Variants in ZNF549 observed in about 807,000 individuals in gnomAD.
The protein encoded by ZNF549 is zinc finger protein 549.
In ZNF549, 11 loss-of-function variants were observed where a neutral mutation model predicts 11.1. The ratio of observed to expected loss-of-function variants is 0.99; its 90% confidence interval spans 0.62 to 1.64. ZNF549 has a LOEUF of 1.64. Among genes scored for constraint, ZNF549 ranks in the 40% most tolerant of loss-of-function variants. The pLI is 0.00. For synonymous variants in ZNF549, 266 were observed against 269.1 expected, an observed-to-expected ratio of 0.99 and a Z score of 0.11; for missense variants, 748 against 765.1, an observed-to-expected ratio of 0.98 and a Z score of 0.26.
At chr19:57,528,251 C>T (rs1050955179) in intron 1 of ZNF549, among the ~76,000 whole-genome samples, 5 of 152,080 alleles carry the variant, frequency 3.3e-5, no homozygotes, top group Non-Finnish European at 7.4e-5. Context: ...TTTCTTTTAC[C>T]TGAACATCTG....
intron 1 of ZNF549, among the ~76,000 whole-genome samples, chr19:57,528,131 G>A (rs1181408757): frequency 6.6e-6 from 1 of 152,156 alleles, no homozygotes; most frequent in Non-Finnish European, 1.5e-5. Flanking sequence ...TTGCTGAAGG[G>A]ACCTAAGTAA....
At chr19:57,527,631 C>CA in intron 1 of ZNF549, 25 bp downstream of exon 1, 1 of 1,612,138 alleles carries the variant, frequency 6.2e-7, no homozygotes, top group South Asian at 1.1e-5. Context: ...CTCGGATCCT[C>CA]ACCTGGGTCC....
chr19:57,534,847 C>T (rs561029999), intron 2 of ZNF549, among the ~76,000 whole-genome samples: 5 of 152,170 alleles, frequency 3.3e-5, no homozygotes, highest in African/African-American at 1.2e-4. Context: ...CAGTCACGAT[C>T]TGGAGATGTG....
rs1018478834 is a variant in ZNF549, at chr19:57,540,274, T to C, written c.*1347T>C. On this transcript the variant is annotated 3_prime_UTR_variant, in exon 4 of 4. Transcript: ENST00000376233. ...CCTTAATAATAAGTAAATCTTGTGT[T>C]ATCCTATAGTCTGGTTTTCCAAAAG... 1.3e-5 allele frequency: 2 copies of C among 152,278 alleles called. No individual in the cohort carries two copies. The highest frequency in any genetic ancestry group is 6.5e-5 in the Admixed American group (1 of 15,292). The allele number at this position is 152,278 out of a possible 1,614,324, so 9.4% of individuals were successfully genotyped here.
At position 57,539,156 on chromosome 19, in the gene ZNF549, C is replaced by A; in HGVS notation, c.*229C>A. On this transcript the variant is annotated 3_prime_UTR_variant, in exon 4 of 4. Transcript: ENST00000376233. The stretch of plus-strand genomic sequence containing the variant: ...TGTGGCATATCCTCACCGTTTTCAT[C>A]AGTCACTCACATGTGCTCAAGGAAT... 2.0e-6 allele frequency: 1 copy of A among 500,946 alleles called. No individual in the cohort carries two copies. The highest frequency in any genetic ancestry group is 3.6e-6 in the Non-Finnish European group (1 of 281,028). 31.0% of individuals were successfully genotyped at this position (500,946 alleles called of 1,614,324 possible).
In ZNF549 at chr19:57,539,796, T is replaced by G. The variant is rs777918814; in HGVS notation, c.*869T>G. 9 of 152,174 alleles carry G rather than the reference T, an allele frequency of 5.9e-5. No homozygotes were observed. The highest frequency in any genetic ancestry group is 5.9e-5 in the Non-Finnish European group (4 of 68,038). The allele number at this position is 152,174 out of a possible 1,614,324, so 9.4% of individuals were successfully genotyped here. A position where few individuals can be genotyped will look rare whatever the true frequency, so the allele number is the denominator to read the frequency against. Reference sequence around the variant, plus strand: ...CTGAAGGACTGAATTGGTAGGTAGGTCACTGGTTGTAAGACCTACTGGGGC... The same window carrying G: ...CTGAAGGACTGAATTGGTAGGTAGGGCACTGGTTGTAAGACCTACTGGGGC... On this transcript the variant is annotated 3_prime_UTR_variant, in exon 4 of 4. Transcript: ENST00000376233.
intron 1 of ZNF549, among the ~76,000 whole-genome samples, chr19:57,529,864 C>T (rs540379731): frequency 1.3e-5 from 2 of 151,354 alleles, no homozygotes; most frequent in African/African-American, 2.4e-5. Flanking sequence ...CCAGCCTGGG[C>T]GACAGAGCGA....
rs370395396 is a variant in ZNF549 at position 57,535,132 on chromosome 19, C to G, written c.73-12C>G. On this transcript the variant is annotated splice_polypyrimidine_tract_variant and intron_variant, in intron 2 of 3. Transcript: ENST00000376233. ...GAGTCTGCTCATGATTTCATCTGCC[C>G]CCATCATGCAGGGCCATGTGACCTT... 8.1e-6 allele frequency: 13 copies of G among 1,612,634 alleles called. No individual in the cohort carries two copies. In the South Asian group the frequency reaches 1.4e-4, roughly 18 times the overall value.
intron 3 of ZNF549, among the ~76,000 whole-genome samples, chr19:57,535,861 C>T (rs1225456723): frequency 6.6e-6 from 1 of 152,010 alleles, no homozygotes; most frequent in East Asian, 1.9e-4. Context: ...GGCCTGTGTT[C>T]CTGAAAGCGT....
At position 57,538,204 on chromosome 19, in the gene ZNF549, C is replaced by T. The variant is rs199866043; in HGVS notation, c.1200C>T (p.Tyr400=). ...GTGAATGTGGGAAATCCTTCATATA[C>T]AAACAGTCACTTCTTGATCACCATA... The part of the protein sequence containing the change: ...QCSECGKSFI[Y]KQSLLDHHRI... The change falls in exon 4 of 4, where the codon TAC becomes TAT. Residue 400 remains tyrosine, a synonymous_variant. Coordinates refer to ENST00000376233, the MANE Select transcript of ZNF549 (RefSeq NM_001199295.2). 3.7e-6 allele frequency: 6 copies of T among 1,613,898 alleles called. No homozygotes were observed. Among genetic ancestry groups the T allele is most frequent in the Non-Finnish European group, 3.4e-6 (4 of 1,180,004 alleles).
Position 57,538,339 on chromosome 19 carries a change from T to C in ZNF549, c.1335T>C (p.Tyr445=), listed in dbSNP as rs1349181484. 1.2e-6 allele frequency: 2 copies of C among 1,614,024 alleles called. No individual in the cohort carries two copies. Among genetic ancestry groups the C allele is most frequent in the Non-Finnish European group, 1.7e-6 (2 of 1,180,002 alleles). The change falls in exon 4 of 4, where the codon TAT becomes TAC. Residue 445 remains tyrosine (Y), a synonymous_variant. Coordinates refer to ENST00000376233, the MANE Select transcript of ZNF549 (RefSeq NM_001199295.2). ...HQRIHTGEKP[Y]VCIICGKSFI... ...GAATTCATACTGGAGAAAAGCCTTA[T>C]GTGTGCATCATATGTGGGAAATCAT...
At chr19:57,528,087 C>T (rs1443322871) in intron 1 of ZNF549, among the ~76,000 whole-genome samples, 1 of 152,046 alleles carries the variant, frequency 6.6e-6, no homozygotes, top group Non-Finnish European at 1.5e-5. Flanking sequence ...TAGTAGGCTC[C>T]AGGAGGATTA....
At position 57,537,883 on chromosome 19, in the gene ZNF549, C is replaced by G; in HGVS notation, c.879C>G (p.His293Gln). ...TCCATAAACAAACACTCGTTGGGCA[C>G]CAGCAGAGAATTCACACTAGAGAAA... ...SFLHKQTLVG[H>Q]QQRIHTRERS... Residue 293 changes from histidine to glutamine, a missense_variant, in exon 4 of 4, where the codon CAC becomes CAG. By Grantham distance (24) the His-to-Gln change is conservative. Coordinates refer to ENST00000376233, the MANE Select transcript of ZNF549 (RefSeq NM_001199295.2). 1 of 1,612,892 alleles carries G rather than the reference C, an allele frequency of 6.2e-7. No homozygotes were observed. The highest frequency in any genetic ancestry group is 1.3e-5 in the African/African-American group (1 of 74,652).
At chr19:57,534,388 T>C (rs1277299044) in intron 2 of ZNF549, among the ~76,000 whole-genome samples, 2 of 152,200 alleles carry the variant, frequency 1.3e-5, no homozygotes, top group Non-Finnish European at 2.9e-5. Flanking sequence ...GCTCAGACTT[T>C]TGTTGGTAAC....
chr19:57,537,405 C>T lies in ZNF549; in HGVS notation c.401C>T (p.Ser134Phe), dbSNP rs761085534. The T allele has an allele frequency of 6.2e-7, 1 of 1,614,218 alleles. No homozygotes were observed. The highest frequency in any genetic ancestry group is 1.1e-5 in the South Asian group (1 of 91,086). ...GTLPWQKPYT[S>F]VASGKWFSFG... ...CTTCCCTGGCAGAAACCTTATACGT[C>T]TGTGGCCAGTGGGAAATGGTTTTCA... Residue 134 changes from serine (S) to phenylalanine (F), a missense_variant, in exon 4 of 4, where the codon TCT becomes TTT. Ser to Phe is a radical substitution (Grantham distance 155, BLOSUM62 -2). Transcript: ENST00000376233.
In ZNF549 at chr19:57,539,038, TGAA is replaced by T. The variant is rs2089942861; in HGVS notation, c.*112_*114del. On this transcript the variant is annotated 3_prime_UTR_variant, in exon 4 of 4. Coordinates refer to ENST00000376233, the MANE Select transcript of ZNF549 (RefSeq NM_001199295.2). ...CCTCATACATCTGCATATCACTAGTTGAAAGATTCACTACAAGGTCCAAGTACT... is the reference window on the plus strand; with the variant it reads ...CCTCATACATCTGCATATCACTAGTTAGATTCACTACAAGGTCCAAGTACT... The T allele has an allele frequency of 2.2e-5, 27 of 1,248,574 alleles. No homozygotes were observed. The highest frequency in any genetic ancestry group is 7.0e-5 in the Admixed American group (3 of 42,906). The allele number at this position is 1,248,574 out of a possible 1,614,324, so 77.3% of individuals were successfully genotyped here.
intron 3 of ZNF549, 157 bp downstream of exon 3, chr19:57,535,427 G>A: frequency 9.0e-7 from 1 of 1,108,438 alleles, no homozygotes; most frequent in Non-Finnish European, 1.3e-6. Flanking sequence ...TGCCAGGCCT[G>A]GGTTTTTTCT....
chr19:57,538,936 G>A lies in ZNF549; in HGVS notation c.*9G>A, dbSNP rs1327370949. The A allele has an allele frequency of 1.3e-6, 2 of 1,590,704 alleles. No individual in the cohort carries two copies. The highest frequency in any genetic ancestry group is 3.4e-5 in the Admixed American group (2 of 59,196). On this transcript the variant is annotated 3_prime_UTR_variant, in exon 4 of 4. Transcript: ENST00000376233. ...TAACAGAAGAGCCCTAGCAATTGTT[G>A]GGATGTGTAATTGTCTTATTCACTG...
intron 3 of ZNF549, among the ~76,000 whole-genome samples, chr19:57,536,819 A>G (rs772514636): frequency 6.6e-6 from 1 of 152,116 alleles, no homozygotes; most frequent in Non-Finnish European, 1.5e-5. Flanking sequence ...CCTGGGTGCA[A>G]TGGCTCGTGC....
Sources: allele counts gnomAD v4.1 joint callset (sites outside exome capture counted in the v4.1 genomes callset), GRCh38; gene constraint gnomAD v4.1.1; transcripts MANE v1.5; gene names NCBI Gene and HGNC (gene_info 2026-07-23, HGNC 2026-07-21).